Variants in NXPE2 observed in about 807,000 individuals in gnomAD.
NXPE2 encodes the protein neurexophilin and PC-esterase domain family member 2.
A neutral mutation model predicts 34.4 loss-of-function variants in NXPE2; 34 were observed. That is an observed-to-expected ratio of 0.99 (90% CI 0.75 to 1.31). The LOEUF is 1.31. Among genes scored for constraint, NXPE2 ranks in the 40% most tolerant of loss-of-function variants. NXPE2 has a pLI of 0.00. For synonymous variants in NXPE2, 235 were observed against 231.3 expected, an observed-to-expected ratio of 1.02 and a Z score of -0.15; for missense variants, 649 against 672.5, an observed-to-expected ratio of 0.97 and a Z score of 0.39.
chr11:114,525,134 C>T, the NXPE2 span, among the ~76,000 whole-genome samples: 2 of 151,810 alleles, frequency 1.3e-5, no homozygotes, highest in Non-Finnish European at 2.9e-5. Context: ...CATCTTGTCT[C>T]AACAATGGAG....
the NXPE2 span, among the ~76,000 whole-genome samples, chr11:114,494,673 C>T: frequency 6.6e-6 from 1 of 152,122 alleles, no homozygotes; most frequent in Non-Finnish European, 1.5e-5. Context: ...TGAAAGGTCG[C>T]GTATCTCTTC....
chr11:114,623,132 T>C, the NXPE2 span, among the ~76,000 whole-genome samples: 1 of 152,128 alleles, frequency 6.6e-6, no homozygotes, highest in Non-Finnish European at 1.5e-5. Flanking sequence ...CGGTGGATAA[T>C]AAGTGTTGCC....
chr11:114,543,057 C>A, the NXPE2 span, among the ~76,000 whole-genome samples: 1 of 152,062 alleles, frequency 6.6e-6, no homozygotes, highest in Non-Finnish European at 1.5e-5. Context: ...GAGTTTGAGA[C>A]CAGCCTGGGC....
At chr11:114,776,686 CA>C in the NXPE2 span, among the ~76,000 whole-genome samples, 1 of 152,216 alleles carries the variant, frequency 6.6e-6, no homozygotes, top group Admixed American at 6.5e-5. Flanking sequence ...AAGATGACAT[CA>C]CCTTAGGGGA....
the NXPE2 span, among the ~76,000 whole-genome samples, chr11:114,610,719 T>C: frequency 1.3e-5 from 2 of 151,950 alleles, no homozygotes; most frequent in Admixed American, 1.3e-4. Flanking sequence ...ACCTGTTTCC[T>C]CCTGGGTAAC....
the NXPE2 span, among the ~76,000 whole-genome samples, chr11:114,564,878 GT>G: frequency 6.6e-6 from 1 of 152,102 alleles, no homozygotes; most frequent in South Asian, 2.1e-4. Context: ...AAGACCTCTT[GT>G]TTTACTTATA....
the NXPE2 span, among the ~76,000 whole-genome samples, chr11:114,613,815 C>T: frequency 6.6e-6 from 1 of 151,838 alleles, no homozygotes; most frequent in Non-Finnish European, 1.5e-5. Context: ...CGTCTTGCCT[C>T]ATAAGTAACC....
the NXPE2 span, among the ~76,000 whole-genome samples, chr11:114,665,528 G>C: frequency 3.3e-4 from 51 of 152,298 alleles, no homozygotes; most frequent in Non-Finnish European, 7.4e-5. Flanking sequence ...AGCATGCAAA[G>C]AGTTATGTAC....
the NXPE2 span, among the ~76,000 whole-genome samples, chr11:114,485,994 T>G: frequency 5.3e-5 from 8 of 152,180 alleles, no homozygotes; most frequent in Non-Finnish European, 8.8e-5. Flanking sequence ...TTTCCATTTT[T>G]GGGGGTATAT....
At chr11:114,811,491 C>G in the NXPE2 span, among the ~76,000 whole-genome samples, 1 of 152,084 alleles carries the variant, frequency 6.6e-6, no homozygotes, top group Non-Finnish European at 1.5e-5. Context: ...ACTATCACAA[C>G]CAGGCTAGGG....
chr11:114,680,445 G>A (rs906653069), intron 2 of NXPE2, among the ~76,000 whole-genome samples: 5 of 152,012 alleles, frequency 3.3e-5, no homozygotes, highest in Admixed American at 3.3e-4. Flanking sequence ...GCATTCAGCC[G>A]GTAATATGAA....
the NXPE2 span, among the ~76,000 whole-genome samples, chr11:114,803,623 C>G: frequency 1.3e-5 from 2 of 150,774 alleles, no homozygotes; most frequent in African/African-American, 2.4e-5. Context: ...TGTTGCCAGG[C>G]TGGAGCACAG....
chr11:114,582,135 G>T, the NXPE2 span, among the ~76,000 whole-genome samples: 6 of 152,080 alleles, frequency 3.9e-5, no homozygotes, highest in Admixed American at 1.3e-4. Context: ...TAGAGAATGG[G>T]CACTGTCTCT....
At chr11:114,640,059 T>C in the NXPE2 span, among the ~76,000 whole-genome samples, 1 of 117,978 alleles carries the variant, frequency 8.5e-6, no homozygotes, top group African/African-American at 3.6e-5. Context: ...ATATATAATT[T>C]ATTTAAAATA....
At chr11:114,601,745 A>C in the NXPE2 span, among the ~76,000 whole-genome samples, 1 of 71,034 alleles carries the variant, frequency 1.4e-5, no homozygotes, top group Non-Finnish European at 2.4e-5. Context: ...ATATAATTAT[A>C]ATATATAATA....
At chr11:114,664,206 T>C in the NXPE2 span, among the ~76,000 whole-genome samples, 1 of 152,148 alleles carries the variant, frequency 6.6e-6, no homozygotes, top group African/African-American at 2.4e-5. Flanking sequence ...GATACACAAG[T>C]ACTATAATAT....
chr11:114,757,635 A>T, the NXPE2 span, among the ~76,000 whole-genome samples: 2 of 152,226 alleles, frequency 1.3e-5, no homozygotes, highest in African/African-American at 4.8e-5. Context: ...CTATGATAAG[A>T]TTTCAGTGAG....
At chr11:114,535,510 C>A in the NXPE2 span, among the ~76,000 whole-genome samples, 1 of 152,066 alleles carries the variant, frequency 6.6e-6, no homozygotes, top group Non-Finnish European at 1.5e-5. Flanking sequence ...GAGTCAAGAC[C>A]CATCAGTGTG....
At chr11:114,607,497 T>C in the NXPE2 span, among the ~76,000 whole-genome samples, 64,344 of 151,636 alleles carry the variant, frequency 0.42, 14,825 homozygotes, top group African/African-American at 0.6. Flanking sequence ...CATTACCGGC[T>C]GGATACTAAG....
Sources: allele counts gnomAD v4.1 joint callset (sites outside exome capture counted in the v4.1 genomes callset), GRCh38; gene constraint gnomAD v4.1.1; transcripts MANE v1.5; gene names NCBI Gene and HGNC (gene_info 2026-07-23, HGNC 2026-07-21).